ADGRL2: variants seen among roughly 807,000 people sequenced by gnomAD.
ADGRL2 encodes adhesion G protein-coupled receptor L2.
A neutral mutation model predicts 157.4 loss-of-function variants in ADGRL2; 44 were observed. The observed-to-expected ratio is 0.28, with a 90% confidence interval of 0.22 to 0.36. ADGRL2 has a LOEUF of 0.36. ADGRL2 is among the 10% of genes least tolerant of loss of function. ADGRL2 has a pLI of 1.00. For synonymous variants in ADGRL2, 585 were observed against 624.7 expected (o/e 0.94, Z 0.95); for missense variants, 1,510 against 1,768.9 (o/e 0.85, Z 2.63).
chr1:81,480,142 C>T (rs2078355472), intron 2 of ADGRL2, among the ~76,000 whole-genome samples: 1 of 152,154 alleles, frequency 6.6e-6, no homozygotes, highest in Non-Finnish European at 1.5e-5. Context: ...GAATCTTCCT[C>T]CTAAGAAACA....
intron 3 of ADGRL2, among the ~76,000 whole-genome samples, chr1:81,928,193 T>A (rs1300661046): frequency 6.6e-6 from 1 of 152,078 alleles, no homozygotes; most frequent in African/African-American, 2.4e-5. Flanking sequence ...AATTTGCTAG[T>A]GTATATGGAG....
At chr1:81,584,812 A>G (rs901878925) in intron 3 of ADGRL2, among the ~76,000 whole-genome samples, 1 of 152,030 alleles carries the variant, frequency 6.6e-6, no homozygotes, top group Non-Finnish European at 1.5e-5. Flanking sequence ...AACTTCTAAG[A>G]TTTTCCCGAG....
chr1:81,742,949 A>T (rs1000679123), intron 1 of ADGRL2, among the ~76,000 whole-genome samples: 3 of 151,978 alleles, frequency 2.0e-5, no homozygotes, highest in Non-Finnish European at 4.4e-5. Context: ...ACTAACACTT[A>T]TCTCTTCCAC....
chr1:81,963,613 G>A (rs983679265), intron 11 of ADGRL2, among the ~76,000 whole-genome samples: 10 of 151,676 alleles, frequency 6.6e-5, no homozygotes, highest in Non-Finnish European at 1.0e-4. Flanking sequence ...TTTACATTAA[G>A]TGGATGTTGA....
chr1:81,946,429 C>A (rs748158308), intron 6 of ADGRL2, among the ~76,000 whole-genome samples: 112 of 144,266 alleles, frequency 7.8e-4, no homozygotes, highest in Non-Finnish European at 1.3e-3. Context: ...GTCTGTTTTT[C>A]CTGTTTCACC....
intron 2 of ADGRL2, among the ~76,000 whole-genome samples, chr1:81,767,893 G>C (rs1211611189): frequency 6.6e-6 from 1 of 151,038 alleles, no homozygotes; most frequent in African/African-American, 2.4e-5. Context: ...AAATTGCTGG[G>C]TCATGGAGTA....
At chr1:81,651,802 T>C (rs996020341) in intron 3 of ADGRL2, among the ~76,000 whole-genome samples, 1 of 152,182 alleles carries the variant, frequency 6.6e-6, no homozygotes, top group Admixed American at 6.5e-5. Context: ...GGTGCAATCA[T>C]AGTTCATTGT....
chr1:81,509,951 G>T (rs989510308), intron 2 of ADGRL2, among the ~76,000 whole-genome samples: 1 of 152,150 alleles, frequency 6.6e-6, no homozygotes, highest in Non-Finnish European at 1.5e-5. Context: ...CGAAGGAAGC[G>T]TCCAAGTCTT....
intron 3 of ADGRL2, among the ~76,000 whole-genome samples, chr1:81,683,123 A>T (rs2083155579): frequency 6.6e-6 from 1 of 152,096 alleles, no homozygotes; most frequent in Admixed American, 6.6e-5. Flanking sequence ...ACAGAATGAG[A>T]CTCTATCTCA....
chr1:81,459,483 A>T (rs1040465015), intron 2 of ADGRL2, among the ~76,000 whole-genome samples: 3 of 152,166 alleles, frequency 2.0e-5, no homozygotes, highest in Non-Finnish European at 4.4e-5. Context: ...CATCCATGTC[A>T]CATATTGCAG....
At chr1:81,642,308 T>C (rs1188373743) in intron 3 of ADGRL2, among the ~76,000 whole-genome samples, 1 of 147,858 alleles carries the variant, frequency 6.8e-6, no homozygotes, top group East Asian at 2.0e-4. Flanking sequence ...TAGTCCTAGC[T>C]GCTTGGGAGA....
chr1:81,416,313 T>C (rs1415541454), intron 1 of ADGRL2, among the ~76,000 whole-genome samples: 4 of 114,820 alleles, frequency 3.5e-5, no homozygotes, highest in Non-Finnish European at 8.2e-5. Context: ...AACAACCTTC[T>C]TGCAAAAAAA....
chr1:81,614,195 G>T (rs1232454507), intron 3 of ADGRL2, among the ~76,000 whole-genome samples: 4 of 152,110 alleles, frequency 2.6e-5, no homozygotes, highest in Admixed American at 2.6e-4. Context: ...CTTCCTCTTT[G>T]GGCAAGACCT....
chr1:81,677,236 C>T (rs753983356), intron 3 of ADGRL2, among the ~76,000 whole-genome samples: 2 of 152,030 alleles, frequency 1.3e-5, no homozygotes, highest in African/African-American at 2.4e-5. Context: ...CTGCCTGCCT[C>T]GGCCTCCCAA....
chr1:81,484,436 G>A (rs971182749), intron 2 of ADGRL2, among the ~76,000 whole-genome samples: 5 of 152,142 alleles, frequency 3.3e-5, no homozygotes, highest in African/African-American at 4.8e-5. Context: ...TAGCCCTGAA[G>A]GCTGGGTCAG....
At chr1:81,374,507 G>A (rs1018535135) in intron 1 of ADGRL2, among the ~76,000 whole-genome samples, 1 of 149,652 alleles carries the variant, frequency 6.7e-6, no homozygotes, top group African/African-American at 2.5e-5. Context: ...GGGAGATGGA[G>A]GTTGCAGTGA....
intron 1 of ADGRL2, among the ~76,000 whole-genome samples, chr1:81,715,323 A>G (rs990303558): frequency 6.6e-6 from 1 of 151,982 alleles, no homozygotes; most frequent in East Asian, 1.9e-4. Context: ...AGACATATAT[A>G]TATATATTCT....
chr1:81,947,056 T>C (rs946256228), intron 6 of ADGRL2, among the ~76,000 whole-genome samples: 3 of 152,224 alleles, frequency 2.0e-5, no homozygotes, highest in Admixed American at 6.5e-5. Context: ...ATTAGCATCA[T>C]TTCTTAGGTA....
intron 1 of ADGRL2, among the ~76,000 whole-genome samples, chr1:81,361,885 A>AT (rs1378113965): frequency 2.6e-5 from 4 of 151,706 alleles, no homozygotes; most frequent in African/African-American, 7.3e-5. Flanking sequence ...CTATCTATAG[A>AT]TTTTTTTCCT....
Sources: gnomAD v4.1 joint callset for allele counts (sites outside exome capture counted in the v4.1 genomes callset) on GRCh38, gnomAD v4.1.1 for gene constraint, MANE v1.5 for transcripts, NCBI Gene and HGNC (gene_info 2026-07-23, HGNC 2026-07-21) for gene names.